The following FOXJ1 variants were observed in gnomAD, a reference collection of about 807,000 sequenced individuals.
FOXJ1 encodes the protein forkhead box J1.
FOXJ1 carries 8 observed loss-of-function variants against 29.3 expected under a neutral mutation model. The observed-to-expected ratio is 0.27, with a 90% CI of 0.16 to 0.49. The LOEUF (loss-of-function observed/expected upper bound fraction) is 0.49. FOXJ1 is among the 20% of genes least tolerant of loss of function. The probability of loss-of-function intolerance (pLI) is 0.98; values close to 1 mark genes in which losing one functional copy is unlikely to be tolerated. For synonymous variants in FOXJ1, 280 were observed against 278.7 expected, an observed-to-expected ratio of 1.00 and a Z score of -0.05; for missense variants, 539 against 595.5, an observed-to-expected ratio of 0.91 and a Z score of 0.99.
rs2068502694 is a variant in FOXJ1 at position 76,139,701 on chromosome 17, C to T, written c.498+197G>A. Reference sequence around the variant, plus strand: ...AAGCCCTCCACCTCTGGACATTCTCCCTTCTCTCTCTCTCTCTCTCTGGAA... The same window carrying T: ...AAGCCCTCCACCTCTGGACATTCTCTCTTCTCTCTCTCTCTCTCTCTGGAA... On this transcript the variant is annotated intron_variant, in intron 2 of 2. Coordinates refer to ENST00000322957, the MANE Select transcript of FOXJ1 (RefSeq NM_001454.4). This position sits in a 1 kb window ranked among gnomAD's most constrained non-coding sequence, Gnocchi z 6.6. Among the ~76,000 whole-genome samples, 1 of 152,182 alleles carries T rather than the reference C, an allele frequency of 6.6e-6. No homozygotes were observed. The highest frequency in any genetic ancestry group is 2.4e-5 in the African/African-American group (1 of 41,456).
rs754977794 is a variant in FOXJ1 at position 76,137,564 on chromosome 17, T to C, written c.1055A>G (p.His352Arg). ...VDVDLTIHGRHIDCPATWGPS... is the reference protein window; with the variant it reads ...VDVDLTIHGRRIDCPATWGPS... ...CCCCCAGGTGGCAGGGCAGTCGATGTGGCGGCCGTGGATGGTGAGGTCCAC... is the reference window on the plus strand; with the variant it reads ...CCCCCAGGTGGCAGGGCAGTCGATGCGGCGGCCGTGGATGGTGAGGTCCAC... The change falls in exon 3 of 3, where the codon CAC (histidine) becomes CGC (arginine). Residue 352 changes from histidine to arginine, a missense_variant. Physicochemically the swap from His to Arg is conservative, Grantham distance 29. Coordinates refer to ENST00000322957, the MANE Select transcript of FOXJ1 (RefSeq NM_001454.4). The surrounding 1 kb of genome is among the most constrained non-coding windows in gnomAD (Gnocchi z 9.5). 4.4e-6 allele frequency: 7 copies of C among 1,597,144 alleles called. No individual in the cohort carries two copies. Among genetic ancestry groups the C allele is most frequent in the East Asian group, 2.3e-5 (1 of 44,212 alleles).
chr17:76,138,671 C>T (rs911692408), intron 2 of FOXJ1, among the ~76,000 whole-genome samples: 8 of 152,142 alleles, frequency 5.3e-5, no homozygotes, highest in South Asian at 2.1e-4. Context: ...TCACCCCCCA[C>T]GGCCCCCTCC....
Position 76,137,458 on chromosome 17 carries a change from G to A in FOXJ1, c.1161C>T (p.Asp387=), listed in dbSNP as rs908179650. ...GGGGCAGGCAGCCACTGCCGCTCTCGTCCCAGGGGTGCTGCAGGAAGGATG... is the reference window on the plus strand; with the variant it reads ...GGGGCAGGCAGCCACTGCCGCTCTCATCCCAGGGGTGCTGCAGGAAGGATG... The part of the protein sequence containing the change: ...LATSFLQHPW[D]ESGSGCLPPE... Residue 387 remains aspartate, a synonymous_variant, in exon 3 of 3, where the codon GAC becomes GAT. Transcript: ENST00000322957. The surrounding 1 kb of genome is among the most constrained non-coding windows in gnomAD (Gnocchi z 9.5). The A allele has an allele frequency of 5.8e-6, 9 of 1,560,846 alleles. No individual in the cohort carries two copies. The highest frequency in any genetic ancestry group is 2.4e-5 in the East Asian group (1 of 42,214).
Position 76,140,158 on chromosome 17 carries a change from C to G in FOXJ1, c.238G>C (p.Ala80Pro). Residue 80 changes from alanine to proline, a missense_variant, in exon 2 of 3, where the codon GCC (alanine) becomes CCC (proline). Ala to Pro is a conservative substitution (Grantham distance 27). Transcript: ENST00000322957. The surrounding 1 kb of genome is among the most constrained non-coding windows in gnomAD (Gnocchi z 8.0). ...APGSPLAADP[A>P]CLGQPHTPGK... ...GGCGTGTGTGGCTGCCCCAGGCAGG[C>G]GGGGTCGGCCGCCAGGGGGGACCCG... 1 of 1,495,414 alleles carries G rather than the reference C, an allele frequency of 6.7e-7. No homozygotes were observed. The highest frequency in any genetic ancestry group is 1.3e-5 in the South Asian group (1 of 75,422). 92.6% of individuals were successfully genotyped at this position (1,495,414 alleles called of 1,614,324 possible).
chr17:76,137,267 T>C lies in FOXJ1; in HGVS notation c.*86A>G. ...AGCCCTGGCCCAGCCCCTGCCTAGG[T>C]GGTGGGGTGTCTGTGGACCTGTGTT... On this transcript the variant is annotated 3_prime_UTR_variant, in exon 3 of 3. Transcript: ENST00000322957. This position sits in a 1 kb window ranked among gnomAD's most constrained non-coding sequence, Gnocchi z 9.5. 8.5e-7 allele frequency: 1 copy of C among 1,181,400 alleles called. No homozygotes were observed. The allele number at this position is 1,181,400 out of a possible 1,614,324, so 73.2% of individuals were successfully genotyped here. A position where few individuals can be genotyped will look rare whatever the true frequency, so the allele number is the denominator to read the frequency against.
In FOXJ1 at chr17:76,140,383, A is replaced by G; in HGVS notation, c.13T>C (p.Trp5Arg). 3.4e-6 allele frequency: 5 copies of G among 1,479,106 alleles called. No individual in the cohort carries two copies. Among genetic ancestry groups the G allele is most frequent in the Non-Finnish European group, 4.4e-6 (5 of 1,123,634 alleles). The allele number at this position is 1,479,106 out of a possible 1,614,324, so 91.6% of individuals were successfully genotyped here. A position where few individuals can be genotyped will look rare whatever the true frequency, so the allele number is the denominator to read the frequency against. ...GGCCCGGCTCCCGAGAGGCGCAGCCAGCTCTCCGCCATGTCTGCGGGGACT... is the reference window on the plus strand; with the variant it reads ...GGCCCGGCTCCCGAGAGGCGCAGCCGGCTCTCCGCCATGTCTGCGGGGACT... MAES[W>R]LRLSGAGPAE... The change falls in exon 2 of 3, where the codon TGG becomes CGG. Residue 5 changes from tryptophan to arginine, a missense_variant. Trp to Arg is a moderately radical substitution (Grantham distance 101). Around this residue, in one of 3 missense-constraint regions of FOXJ1, gnomAD observed 59 missense variants for 47.5 expected, o/e 1.24. Transcript: ENST00000322957. This position sits in a 1 kb window ranked among gnomAD's most constrained non-coding sequence, Gnocchi z 8.0.
At position 76,137,307 on chromosome 17, in the gene FOXJ1, G is replaced by A. The variant is rs1261383410; in HGVS notation, c.*46C>T. 1 of 1,423,422 alleles carries A rather than the reference G, an allele frequency of 7.0e-7. No homozygotes were observed. The highest frequency in any genetic ancestry group is 1.5e-5 in the South Asian group (1 of 67,258). 88.2% of individuals were successfully genotyped at this position (1,423,422 alleles called of 1,614,324 possible). ...GGACCTGTGTTGGGGGGCAGTTCTG[G>A]ACCCTGACTTGGGCACTGTCCAGAG... On this transcript the variant is annotated 3_prime_UTR_variant, in exon 3 of 3. Coordinates refer to ENST00000322957, the MANE Select transcript of FOXJ1 (RefSeq NM_001454.4). The surrounding 1 kb of genome is among the most constrained non-coding windows in gnomAD (Gnocchi z 9.5).
chr17:76,137,225 T>TC lies in FOXJ1; in HGVS notation c.*127dup. 1 of 849,720 alleles carries TC rather than the reference T, an allele frequency of 1.2e-6. No homozygotes were observed. Among genetic ancestry groups the TC allele is most frequent in the Non-Finnish European group, 1.7e-6 (1 of 603,906 alleles). 52.6% of individuals were successfully genotyped at this position (849,720 alleles called of 1,614,324 possible). A position where few individuals can be genotyped will look rare whatever the true frequency, so the allele number is the denominator to read the frequency against. On this transcript the variant is annotated 3_prime_UTR_variant, in exon 3 of 3. Transcript: ENST00000322957. This position sits in a 1 kb window ranked among gnomAD's most constrained non-coding sequence, Gnocchi z 9.5. ...AGCTGGGGCTGGTGGCCATGTGGCC[T>TC]CTGGGGCAAGCCTTGGAGCCCTGGC...
In FOXJ1 at chr17:76,137,715, G is replaced by A; in HGVS notation, c.904C>T (p.Leu302=). Residue 302 remains leucine, a synonymous_variant, in exon 3 of 3, where the codon CTG becomes TTG. Coordinates refer to ENST00000322957, the MANE Select transcript of FOXJ1 (RefSeq NM_001454.4). This position sits in a 1 kb window ranked among gnomAD's most constrained non-coding sequence, Gnocchi z 9.5. ...LLPTPEEQGE[L]EPLKGNFDWE... Reference sequence around the variant, plus strand: ...TCAAAGTTGCCTTTGAGGGGTTCCAGCTCACCCTGCTCCTCCGGGGTGGGC... The same window carrying A: ...TCAAAGTTGCCTTTGAGGGGTTCCAACTCACCCTGCTCCTCCGGGGTGGGC... The A allele has an allele frequency of 6.2e-7, 1 of 1,612,132 alleles. No individual in the cohort carries two copies. The highest frequency in any genetic ancestry group is 1.1e-5 in the South Asian group (1 of 91,010).
Position 76,137,991 on chromosome 17 carries a change from A to C in FOXJ1, c.628T>G (p.Phe210Val). Residue 210 changes from phenylalanine (F) to valine (V), a missense_variant, in exon 3 of 3, where the codon TTC (phenylalanine) becomes GTC (valine). Physicochemically the swap from Phe to Val is conservative, Grantham distance 50. Around this residue, in one of 3 missense-constraint regions of FOXJ1, gnomAD observed 178 missense variants for 254.4 expected, o/e 0.70. Coordinates refer to ENST00000322957, the MANE Select transcript of FOXJ1 (RefSeq NM_001454.4). This position sits in a 1 kb window ranked among gnomAD's most constrained non-coding sequence, Gnocchi z 9.5. ...ACAGGGGGCAGTCGCCGCTTCTTGA[A>C]AGCGCCGCTCAGTAGCCGCTCCGCG... ...QYAERLLSGA[F>V]KKRRLPPVHI... The C allele has an allele frequency of 1.2e-6, 2 of 1,610,146 alleles. No homozygotes were observed. The highest frequency in any genetic ancestry group is 1.7e-6 in the Non-Finnish European group (2 of 1,178,536).
rs1333811318 is a variant in FOXJ1, at chr17:76,137,449, G to T, written c.1170C>A (p.Gly390=). ...SFLQHPWDES[G]SGCLPPEPLF... is the part of the protein sequence containing the mutation. ...GGGGCTCCGGGGGCAGGCAGCCACT[G>T]CCGCTCTCGTCCCAGGGGTGCTGCA... is the stretch of plus-strand genomic sequence containing the variant. The change falls in exon 3 of 3, where the codon GGC becomes GGA. Residue 390 remains glycine (G), a synonymous_variant. Coordinates refer to ENST00000322957, the MANE Select transcript of FOXJ1 (RefSeq NM_001454.4). The surrounding 1 kb of genome is among the most constrained non-coding windows in gnomAD (Gnocchi z 9.5). 3.2e-6 allele frequency: 5 copies of T among 1,554,210 alleles called. No individual in the cohort carries two copies. The Admixed American group carries it at 9.6e-5, about 30-fold the overall frequency.
At chr17:76,138,574 G>A (rs927080982) in intron 2 of FOXJ1, among the ~76,000 whole-genome samples, 2 of 152,068 alleles carry the variant, frequency 1.3e-5, no homozygotes, top group African/African-American at 4.8e-5. Flanking sequence ...GAGAGGAAGG[G>A]GGAGAGAGAG....
Position 76,138,001 on chromosome 17 carries a change from CAGT to C in FOXJ1, c.615_617del (p.Leu206del). ...GTCGCCGCTTCTTGAAAGCGCCGCT[CAGT>C]AGCCGCTCCGCGTACTGGGGGTCAA... On this transcript the variant is annotated inframe_deletion, in exon 3 of 3. Transcript: ENST00000322957. The C allele has an allele frequency of 6.2e-7, 1 of 1,612,340 alleles. No homozygotes were observed. Among genetic ancestry groups the C allele is most frequent in the Non-Finnish European group, 8.5e-7 (1 of 1,179,442 alleles).
In FOXJ1 at chr17:76,137,680, G is replaced by A; in HGVS notation, c.939C>T (p.Ala313=). The A allele has an allele frequency of 6.2e-7, 1 of 1,612,568 alleles. No homozygotes were observed. The highest frequency in any genetic ancestry group is 8.5e-7 in the Non-Finnish European group (1 of 1,179,690). ...EPLKGNFDWE[A]IFDAGTLGGE... is the part of the protein sequence containing the mutation. ...CGCCCAGAGTGCCGGCGTCGAAGAT[G>A]GCCTCCCAGTCAAAGTTGCCTTTGA... The change falls in exon 3 of 3, where the codon GCC becomes GCT. Residue 313 remains alanine (A), a synonymous_variant. Transcript: ENST00000322957. This position sits in a 1 kb window ranked among gnomAD's most constrained non-coding sequence, Gnocchi z 9.5.
chr17:76,137,813 C>T lies in FOXJ1; in HGVS notation c.806G>A (p.Arg269Lys), dbSNP rs1238298729. The T allele has an allele frequency of 6.3e-7, 1 of 1,598,718 alleles. No homozygotes were observed. Among genetic ancestry groups the T allele is most frequent in the African/African-American group, 1.3e-5 (1 of 74,668 alleles). Reference sequence around the variant, plus strand: ...CGGCTGTTTGCGCTTATGCCCCAGCCTGCCCTCGCCTGCACCCCAGCCCGC... The same window carrying T: ...CGGCTGTTTGCGCTTATGCCCCAGCTTGCCCTCGCCTGCACCCCAGCCCGC... ...GEAGWGAGEG[R>K]LGHKRKQPLP... Residue 269 changes from arginine to lysine, a missense_variant, in exon 3 of 3, where the codon AGG becomes AAG. Arg to Lys is a conservative substitution (Grantham distance 26). This residue lies in a region of FOXJ1 where 302 missense variants were observed against 293.6 expected (regional missense o/e 1.03). Transcript: ENST00000322957. This position sits in a 1 kb window ranked among gnomAD's most constrained non-coding sequence, Gnocchi z 9.5.
Position 76,140,600 on chromosome 17 carries a change from A to C in FOXJ1, c.-169-36T>G. On this transcript the variant is annotated intron_variant, in intron 1 of 2. Coordinates refer to ENST00000322957, the MANE Select transcript of FOXJ1 (RefSeq NM_001454.4). This position sits in a 1 kb window ranked among gnomAD's most constrained non-coding sequence, Gnocchi z 8.0. ...CACGGTGGGAGCTGAGCACTACCCC[A>C]CCCCCGAGGGGACAGTGTGTGTACG... The C allele has an allele frequency of 4.0e-6, 2 of 501,078 alleles. No individual in the cohort carries two copies. Among genetic ancestry groups the C allele is most frequent in the Non-Finnish European group, 6.9e-6 (2 of 288,020 alleles). 31.0% of individuals were successfully genotyped at this position (501,078 alleles called of 1,614,324 possible).
chr17:76,137,074 G>A lies in FOXJ1; in HGVS notation c.*279C>T, dbSNP rs1234611296. On this transcript the variant is annotated 3_prime_UTR_variant, in exon 3 of 3. Transcript: ENST00000322957. The surrounding 1 kb of genome is among the most constrained non-coding windows in gnomAD (Gnocchi z 9.5). ...TCTCATGGTGCAGGGTCCTTTAGCC[G>A]GTTTCTGGGGCTGGGAAGACGCGGA... The A allele has an allele frequency of 1.4e-5, 5 of 345,436 alleles. No individual in the cohort carries two copies. Among genetic ancestry groups the A allele is most frequent in the African/African-American group, 4.2e-5 (2 of 47,308 alleles). 21.4% of individuals were successfully genotyped at this position (345,436 alleles called of 1,614,324 possible). A position where few individuals can be genotyped will look rare whatever the true frequency, so the allele number is the denominator to read the frequency against.
At position 76,137,569 on chromosome 17, in the gene FOXJ1, G is replaced by A. The variant is rs769704897; in HGVS notation, c.1050C>T (p.Gly350=). The change falls in exon 3 of 3, where the codon GGC becomes GGT. Residue 350 remains glycine (G), a synonymous_variant. Coordinates refer to ENST00000322957, the MANE Select transcript of FOXJ1 (RefSeq NM_001454.4). This position sits in a 1 kb window ranked among gnomAD's most constrained non-coding sequence, Gnocchi z 9.5. ...SHVDVDLTIH[G]RHIDCPATWG... ...AGGTGGCAGGGCAGTCGATGTGGCG[G>A]CCGTGGATGGTGAGGTCCACGTCCA... The A allele has an allele frequency of 6.3e-7, 1 of 1,597,020 alleles. No individual in the cohort carries two copies. The highest frequency in any genetic ancestry group is 1.3e-5 in the African/African-American group (1 of 74,746).
Position 76,140,416 on chromosome 17 carries a change from G to A in FOXJ1, c.-21C>T. On this transcript the variant is annotated 5_prime_UTR_variant, in exon 2 of 3. Transcript: ENST00000322957. The surrounding 1 kb of genome is among the most constrained non-coding windows in gnomAD (Gnocchi z 8.0). ...GCCATGTCTGCGGGGACTCTCCGAG[G>A]GGGCGGTCAGCATCCACGGGCTGAG... The A allele has an allele frequency of 2.8e-6, 4 of 1,416,702 alleles. No individual in the cohort carries two copies. The highest frequency in any genetic ancestry group is 3.7e-6 in the Non-Finnish European group (4 of 1,095,672). 87.8% of individuals were successfully genotyped at this position (1,416,702 alleles called of 1,614,324 possible).
Sources: allele counts gnomAD v4.1 joint callset (sites outside exome capture counted in the v4.1 genomes callset), GRCh38; gene constraint gnomAD v4.1.1; regional missense constraint gnomAD v4.1.1; non-coding constraint Gnocchi (gnomAD v3.1); transcripts MANE v1.5; gene names NCBI Gene and HGNC (gene_info 2026-07-23, HGNC 2026-07-21).